CREB5: variants seen among roughly 807,000 people sequenced by gnomAD.
CREB5 encodes cAMP responsive element binding protein 5, also known as cyclic AMP-responsive element-binding protein 5.
CREB5 carries 19 observed loss-of-function variants against 57.1 expected under a neutral mutation model. That is an observed-to-expected ratio of 0.33 (90% CI 0.23 to 0.49). The LOEUF is 0.49. Among genes scored for constraint, CREB5 ranks in the 20% least tolerant of loss-of-function variants. CREB5 has a pLI of 0.99. For synonymous variants in CREB5, 238 were observed against 238.3 expected, an observed-to-expected ratio of 1.00 and a Z score of 0.01; for missense variants, 579 against 671.6, an observed-to-expected ratio of 0.86 and a Z score of 1.52.
chr7:28,795,909 A>G (rs1438373670), intron 7 of CREB5, among the ~76,000 whole-genome samples: 1 of 151,908 alleles, frequency 6.6e-6, no homozygotes, highest in African/African-American at 2.4e-5. Context: ...GCTTGCCACC[A>G]CATTCCGCTA....
intron 1 of CREB5, among the ~76,000 whole-genome samples, chr7:28,369,739 T>A (rs1786667319): frequency 6.6e-6 from 1 of 152,206 alleles, no homozygotes; most frequent in African/African-American, 2.4e-5. Flanking sequence ...TGGGGAGTCC[T>A]GCAACAGGAG....
chr7:28,715,458 A>G (rs1802635229), intron 5 of CREB5, among the ~76,000 whole-genome samples: 1 of 152,194 alleles, frequency 6.6e-6, no homozygotes, highest in South Asian at 2.1e-4. Context: ...GCAATAGAAA[A>G]AGTTTTATGC....
chr7:28,724,658 A>T (rs1394499317), intron 7 of CREB5: 1 of 198,682 alleles, frequency 5.0e-6, no homozygotes, highest in African/African-American at 2.3e-5. Context: ...ATAATACAAA[A>T]CTACTCATTC....
chr7:28,495,032 G>A (rs758682194), intron 3 of CREB5, 33 bp downstream of exon 3: 2 of 1,489,904 alleles, frequency 1.3e-6, no homozygotes, highest in Non-Finnish European at 1.8e-6. Flanking sequence ...AGCTTTGGGT[G>A]ATCAGATCTG....
intron 2 of CREB5, 24 bp from the exon 3 acceptor site, chr7:28,494,882 C>CT (rs1392834659): frequency 2.1e-6 from 3 of 1,405,316 alleles, no homozygotes; most frequent in Admixed American, 5.6e-5. Flanking sequence ...TTCTCCCCTC[C>CT]CTTTTTTTTT....
intron 1 of CREB5, among the ~76,000 whole-genome samples, chr7:28,413,356 T>C (rs1014776194): frequency 6.6e-6 from 1 of 152,092 alleles, no homozygotes; most frequent in Non-Finnish European, 1.5e-5. Context: ...TAGATGTGTA[T>C]GCCCCTGAAG....
intron 7 of CREB5, among the ~76,000 whole-genome samples, chr7:28,727,224 GA>G (rs1803378194): frequency 6.6e-6 from 1 of 152,004 alleles, no homozygotes; most frequent in African/African-American, 2.4e-5. Context: ...TTCATTTTCT[GA>G]AGAATTAAGT....
chr7:28,399,065 T>A (rs1787393828), intron 1 of CREB5, among the ~76,000 whole-genome samples: 1 of 152,162 alleles, frequency 6.6e-6, no homozygotes, highest in South Asian at 2.1e-4. Context: ...CCTATCATTA[T>A]GTTACCATTT....
intron 7 of CREB5, among the ~76,000 whole-genome samples, chr7:28,773,669 C>G (rs1196996705): frequency 1.3e-5 from 2 of 152,150 alleles, no homozygotes; most frequent in East Asian, 3.9e-4. Context: ...TTTGCCAATC[C>G]TGTCTTAAAG....
chr7:28,737,534 TATAC>T (rs1237107524), intron 7 of CREB5, among the ~76,000 whole-genome samples: 3 of 80,006 alleles, frequency 3.7e-5, no homozygotes, highest in Non-Finnish European at 5.1e-5. Context: ...TATGTATATA[TATAC>T]GTATATATAT....
intron 5 of CREB5, among the ~76,000 whole-genome samples, chr7:28,660,381 G>GTTTTTTTTTTTTTTTTTTTTTTTT (rs10696255): frequency 8.4e-6 from 1 of 119,260 alleles, no homozygotes; most frequent in African/African-American, 3.3e-5. Context: ...GCATTCAACA[G>GTTTTTTTTTTTTTTTTTTTTTTTT]TTTTTTTTTT....
In CREB5 at chr7:28,315,501, G is replaced by A. The variant is rs565739786; in HGVS notation, c.-25+16060G>A. 5.3e-4 allele frequency among the ~76,000 whole-genome samples: 80 copies of A among 152,360 alleles called. 1 individual carries two copies. Among genetic ancestry groups the A allele is most frequent in the African/African-American group, 1.8e-3 (76 of 41,592 alleles). Reference sequence around the variant, plus strand: ...TCCAGCCGGGTGCTGCAGAAAACTTGTTCTGCAAAAGCAGACAGGAGACAC... The same window carrying A: ...TCCAGCCGGGTGCTGCAGAAAACTTATTCTGCAAAAGCAGACAGGAGACAC... On this transcript the variant is annotated intron_variant, in intron 1 of 9. Coordinates refer to the CREB5 transcript ENST00000396299.
At chr7:28,341,154 T>A (rs1358257998) in intron 1 of CREB5, among the ~76,000 whole-genome samples, 2 of 152,174 alleles carry the variant, frequency 1.3e-5, no homozygotes, top group Non-Finnish European at 2.9e-5. Flanking sequence ...TTGTTCAATT[T>A]GGTGCTGCTG....
intron 5 of CREB5, among the ~76,000 whole-genome samples, chr7:28,678,745 A>G (rs986153638): frequency 1.1e-4 from 16 of 152,346 alleles, no homozygotes; most frequent in African/African-American, 3.4e-4. Context: ...TAATAAAAAC[A>G]TAGATAATTT....
intron 1 of CREB5, among the ~76,000 whole-genome samples, chr7:28,437,687 A>G (rs1157981733): frequency 6.6e-6 from 1 of 152,210 alleles, no homozygotes; most frequent in Admixed American, 6.5e-5. Flanking sequence ...GGATAGTCCT[A>G]TAATCTAAAT....
At chr7:28,583,612 A>C (rs1796197720) in intron 5 of CREB5, among the ~76,000 whole-genome samples, 1 of 152,194 alleles carries the variant, frequency 6.6e-6, no homozygotes, top group African/African-American at 2.4e-5. Context: ...ACTGAGCTTC[A>C]AGAGGAGCAG....
intron 1 of CREB5, among the ~76,000 whole-genome samples, chr7:28,442,191 G>T (rs1789218859): frequency 6.6e-6 from 1 of 152,058 alleles, no homozygotes; most frequent in Non-Finnish European, 1.5e-5. Flanking sequence ...AGAACATACA[G>T]TATTTATCTT....
intron 5 of CREB5, among the ~76,000 whole-genome samples, chr7:28,653,152 A>T (rs1799209633): frequency 6.6e-6 from 1 of 152,196 alleles, no homozygotes; most frequent in Admixed American, 6.5e-5. Flanking sequence ...ATTCCTTTTA[A>T]TCGAAACATG....
chr7:28,798,451 G>A (rs1444866781), intron 7 of CREB5, among the ~76,000 whole-genome samples: 1 of 152,186 alleles, frequency 6.6e-6, no homozygotes, highest in Non-Finnish European at 1.5e-5. Context: ...TGACGTGTGG[G>A]TGTACCCAGG....
Sources: allele counts gnomAD v4.1 joint callset (sites outside exome capture counted in the v4.1 genomes callset), GRCh38; gene constraint gnomAD v4.1.1; transcripts MANE v1.5; gene names NCBI Gene and HGNC (gene_info 2026-07-23, HGNC 2026-07-21).